Variants in CEP131 observed in about 807,000 individuals in gnomAD.
The protein encoded by CEP131 is centrosomal protein 131, also known as centrosomal protein of 131 kDa.
CEP131 carries 99 observed loss-of-function variants against 136.8 expected under a neutral mutation model. The ratio of observed to expected loss-of-function variants is 0.72; its 90% CI spans 0.62 to 0.86. The LOEUF (loss-of-function observed/expected upper bound fraction) is 0.86, where lower values mean the gene tolerates loss of function less well. Among genes scored for constraint, CEP131 ranks in the 40% least tolerant of loss-of-function variants. The pLI is 0.00. For synonymous variants in CEP131, 646 were observed against 612.7 expected (o/e 1.05, Z -0.80); for missense variants, 1,459 against 1,463.0 (o/e 1.00, Z 0.04).
At chr17:81,192,220 T>A (rs373546590) in intron 21 of CEP131, 98 bp downstream of exon 21, 12 of 1,145,930 alleles carry the variant, frequency 1.0e-5, no homozygotes, top group South Asian at 8.6e-5. Flanking sequence ...GCCCCCAGGA[T>A]GCCACAGCAG....
At position 81,199,400 on chromosome 17, in the gene CEP131, G is replaced by A. The variant is rs1035690170; in HGVS notation, c.1173C>T (p.Ala391=). The change falls in exon 10 of 26, where the codon GCC becomes GCT. Residue 391 remains alanine (A), a synonymous_variant. Transcript: ENST00000450824. ...TCTCACCAGTATTGTTGGCCTTGAG[G>A]GCCTGGTGGGCAGTGCCGCCTGGTG... ...SPTPGGTAHQ[A]LKANNTGGGL... is the part of the protein sequence containing the mutation. 6.9e-6 allele frequency: 11 copies of A among 1,604,774 alleles called. No homozygotes were observed. Among genetic ancestry groups the A allele is most frequent in the Non-Finnish European group, 9.3e-6 (11 of 1,177,476 alleles).
intron 2 of CEP131, among the ~76,000 whole-genome samples, chr17:81,213,153 C>A (rs576618344): frequency 6.6e-6 from 1 of 152,298 alleles, no homozygotes; most frequent in Non-Finnish European, 1.5e-5. Context: ...TGAAAGTTCC[C>A]AGTGGCCAAA....
Position 81,200,398 on chromosome 17 carries a change from G to C in CEP131, c.837C>G (p.Tyr279Ter). The C allele has an allele frequency of 6.4e-7, 1 of 1,562,960 alleles. No individual in the cohort carries two copies. Among genetic ancestry groups the C allele is most frequent in the African/African-American group, 1.4e-5 (1 of 73,644 alleles). ...CTCCGCGCCGCTGCACCTGGTGCCG[G>C]TACCAGCGCTGGATGGTGACAGTGG... is the stretch of plus-strand genomic sequence containing the variant. ...NQATVTIQRW[Y>*]RHQVQRRGAG... The change falls in exon 8 of 26, where the codon TAC (tyrosine) becomes TAG (stop). Residue 279 changes from tyrosine to a stop codon, truncating the protein, a stop_gained. Coordinates refer to ENST00000450824, the MANE Select transcript of CEP131 (RefSeq NM_014984.4). LOFTEE classifies it high-confidence loss of function.
At chr17:81,192,685 G>GGGGGGGGGGGGGCCCCC in intron 19 of CEP131, 51 bp downstream of exon 19, 5 of 478,418 alleles carry the variant, frequency 1.0e-5, no homozygotes, top group Non-Finnish European at 2.0e-5. Context: ...GGGGGGAGGG[G>GGGGGGGGGGGGGCCCCC]TCAGCCAGCG....
chr17:81,212,292 A>T (rs937901253), intron 2 of CEP131, among the ~76,000 whole-genome samples: 1 of 149,814 alleles, frequency 6.7e-6, no homozygotes, highest in Non-Finnish European at 1.5e-5. Flanking sequence ...ACTGCACTCC[A>T]GCCTGGGCGA....
intron 11 of CEP131, 79 bp from the exon 12 acceptor site, chr17:81,198,376 A>G (rs1417019373): frequency 1.4e-6 from 2 of 1,434,948 alleles, no homozygotes; most frequent in Non-Finnish European, 1.9e-6. Flanking sequence ...CCAACCGCAG[A>G]GCCCCAAAGG....
intron 22 of CEP131, 27 bp from the exon 23 acceptor site, chr17:81,191,111 C>T (rs1430491873): frequency 1.2e-6 from 2 of 1,602,596 alleles, no homozygotes; most frequent in African/African-American, 1.3e-5. Flanking sequence ...GGCAGGGTCA[C>T]TCCAGCCCAG....
chr17:81,212,795 C>T (rs1376792484), intron 2 of CEP131, among the ~76,000 whole-genome samples: 1 of 152,238 alleles, frequency 6.6e-6, no homozygotes. Context: ...GTGCCACTAG[C>T]GGCAGAGACA....
At chr17:81,210,358 T>A (rs894046770) in intron 2 of CEP131, among the ~76,000 whole-genome samples, 8 of 152,038 alleles carry the variant, frequency 5.3e-5, no homozygotes, top group Non-Finnish European at 1.2e-4. Context: ...GATCACGAGG[T>A]CAGGAGATCA....
chr17:81,208,391 C>T lies in CEP131; in HGVS notation c.272+537G>A, dbSNP rs1187408905. Among the ~76,000 whole-genome samples the T allele has an allele frequency of 7.2e-5, 11 of 152,172 alleles. No homozygotes were observed. Among genetic ancestry groups the T allele is most frequent in the Non-Finnish European group, 1.6e-4 (11 of 68,028 alleles). On this transcript the variant is annotated intron_variant, in intron 3 of 25. Coordinates refer to ENST00000450824, the MANE Select transcript of CEP131 (RefSeq NM_014984.4). This position sits in a 1 kb window ranked among gnomAD's most constrained non-coding sequence, Gnocchi z 5.6. ...GGTGGTGTCAGGACCTCGCCCACCA[C>T]TCTGGGCTAGAGGATGTCCCCCCGG... is the stretch of plus-strand genomic sequence containing the variant.
chr17:81,196,252 C>T (rs766009595), intron 15 of CEP131, among the ~76,000 whole-genome samples: 11 of 152,234 alleles, frequency 7.2e-5, no homozygotes, highest in Non-Finnish European at 1.2e-4. Context: ...CTGCCGAGGC[C>T]ATCACCCAGC....
intron 2 of CEP131, among the ~76,000 whole-genome samples, chr17:81,209,475 A>C (rs186120413): frequency 3.1e-3 from 475 of 152,308 alleles, no homozygotes; most frequent in African/African-American, 0.011. Context: ...CAGGTGCTGC[A>C]AGACCTGGTA....
rs870187 is a variant in CEP131 at position 81,192,303 on chromosome 17, T to C, written c.2622+15A>G. ...AGCCCCCAACCCCTGCCCACCTGGG[T>C]GCCCAGGCCCCCACCTCCTTCCTGG... On this transcript the variant is annotated intron_variant, in intron 21 of 25. Coordinates refer to ENST00000450824, the MANE Select transcript of CEP131 (RefSeq NM_014984.4). 718,502 of 1,547,432 alleles carry C rather than the reference T, an allele frequency of 0.46. 173,333 individuals carry two copies. Among genetic ancestry groups the C allele is most frequent in the African/African-American group, 0.64 (46,425 of 72,912 alleles).
In CEP131 at chr17:81,222,859, G is replaced by C. The variant is rs2062418907; in HGVS notation, c.-108C>G. ...GGGGAGGGGATGCGGAACCAGTCGC[G>C]CCCAAACCTCGGGTCGGCGACCTGG... On this transcript the variant is annotated 5_prime_UTR_variant, in exon 1 of 26. Coordinates refer to ENST00000450824, the MANE Select transcript of CEP131 (RefSeq NM_014984.4). 6.6e-6 allele frequency: 1 copy of C among 152,278 alleles called. No homozygotes were observed. Among genetic ancestry groups the C allele is most frequent in the South Asian group, 2.1e-4 (1 of 4,844 alleles). 9.4% of individuals were successfully genotyped at this position (152,278 alleles called of 1,614,324 possible).
At position 81,189,842 on chromosome 17, in the gene CEP131, G is replaced by A; in HGVS notation, c.3170C>T (p.Ala1057Val). The change falls in exon 26 of 26, where the codon GCT becomes GTT. Residue 1057 changes from alanine (A) to valine (V), a missense_variant and splice_region_variant. Physicochemically the swap from Ala to Val is moderately conservative, Grantham distance 64. This residue lies in a region of CEP131 where 1,026 missense variants were observed against 964.2 expected (regional missense o/e 1.06). Transcript: ENST00000450824. Reference protein sequence around the residue: ...AVSSLRTQHEAAVKRADHLEE... With the variant: ...AVSSLRTQHEVAVKRADHLEE... ...CAGGTGGTCGGCCCGCTTCACCGCA[G>A]CCTGCAGCACACCCACAGGGTCAGG... 1 of 1,612,264 alleles carries A rather than the reference G, an allele frequency of 6.2e-7. No individual in the cohort carries two copies. The highest frequency in any genetic ancestry group is 8.5e-7 in the Non-Finnish European group (1 of 1,179,660).
intron 13 of CEP131, 119 bp from the exon 14 acceptor site, chr17:81,197,174 C>A (rs993280384): frequency 2.1e-6 from 3 of 1,410,740 alleles, no homozygotes; most frequent in Non-Finnish European, 1.9e-6. Flanking sequence ...CACACGGGAG[C>A]CCGTGGGAAG....
At chr17:81,211,886 T>C (rs1291582342) in intron 2 of CEP131, among the ~76,000 whole-genome samples, 1 of 143,974 alleles carries the variant, frequency 6.9e-6, no homozygotes, top group Non-Finnish European at 1.5e-5. Context: ...TGAGCTATGA[T>C]AGTGTCACTG....
intron 4 of CEP131, 106 bp from the exon 5 acceptor site, chr17:81,206,977 A>T (rs2062021458): frequency 6.5e-7 from 1 of 1,535,710 alleles, no homozygotes; most frequent in Middle Eastern, 1.7e-4. Context: ...CCATACAGAC[A>T]GGTGGATGTC....
chr17:81,192,685 G>GGGGGGGGGCGCCCC, intron 19 of CEP131, 51 bp downstream of exon 19: 1 of 478,438 alleles, frequency 2.1e-6, no homozygotes, highest in Non-Finnish European at 4.1e-6. Context: ...GGGGGGAGGG[G>GGGGGGGGGCGCCCC]TCAGCCAGCG....
Sources: allele counts gnomAD v4.1 joint callset (sites outside exome capture counted in the v4.1 genomes callset), GRCh38; gene constraint gnomAD v4.1.1; regional missense constraint gnomAD v4.1.1; non-coding constraint Gnocchi (gnomAD v3.1); transcripts MANE v1.5; gene names NCBI Gene and HGNC (gene_info 2026-07-23, HGNC 2026-07-21).